The following STXBP5 variants were observed in gnomAD, a reference collection of about 807,000 sequenced individuals.
STXBP5 encodes the protein syntaxin binding protein 5.
A neutral mutation model predicts 152.4 loss-of-function variants in STXBP5; 50 were observed. The observed-to-expected ratio is 0.33, with a 90% CI of 0.26 to 0.42. STXBP5 has a LOEUF of 0.42. Ranked by LOEUF, STXBP5 falls within the 10% of genes least tolerant of loss-of-function variation. STXBP5 has a pLI of 1.00. For synonymous variants in STXBP5, 492 were observed against 494.7 expected (o/e 0.99, Z 0.07); for missense variants, 1,167 against 1,388.6 (o/e 0.84, Z 2.54).
chr6:147,344,024 G>T (rs1784206489), intron 21 of STXBP5, among the ~76,000 whole-genome samples: 1 of 152,104 alleles, frequency 6.6e-6, no homozygotes, highest in South Asian at 2.1e-4. Flanking sequence ...AATTGGTCAA[G>T]AACTAAATTT....
chr6:147,306,361 G>A (rs940325758), intron 9 of STXBP5, among the ~76,000 whole-genome samples: 1 of 152,214 alleles, frequency 6.6e-6, no homozygotes, highest in African/African-American at 2.4e-5. Flanking sequence ...ACATGGAGGG[G>A]GCCCCCAACT....
rs1286473561 is a variant in STXBP5 at position 147,387,487 on chromosome 6, T to G, written c.*2732T>G. 6.6e-6 allele frequency: 1 copy of G among 151,800 alleles called. No individual in the cohort carries two copies. The highest frequency in any genetic ancestry group is 1.5e-5 in the Non-Finnish European group (1 of 67,768). 9.4% of individuals were successfully genotyped at this position (151,800 alleles called of 1,614,324 possible). A position where few individuals can be genotyped will look rare whatever the true frequency, so the allele number is the denominator to read the frequency against. ...TTTTCTGTATGTACCATATATCCAG[T>G]TCATTTCAGTTTTCAAACTAAAATC... On this transcript the variant is annotated 3_prime_UTR_variant, in exon 28 of 28. Coordinates refer to ENST00000321680, the MANE Select transcript of STXBP5 (RefSeq NM_001127715.4).
At chr6:147,262,249 C>A (rs775954107) in intron 5 of STXBP5, 41 bp from the exon 6 acceptor site, 1 of 1,260,454 alleles carries the variant, frequency 7.9e-7, no homozygotes, top group Non-Finnish European at 1.1e-6. Context: ...TATTAAAATT[C>A]TTAACTGAAG....
chr6:147,317,669 G>A (rs1012147579), intron 16 of STXBP5, among the ~76,000 whole-genome samples: 2 of 152,078 alleles, frequency 1.3e-5, no homozygotes, highest in Non-Finnish European at 2.9e-5. Context: ...TTCTCAGAAA[G>A]GTATCAAGTT....
intron 7 of STXBP5, among the ~76,000 whole-genome samples, chr6:147,276,687 T>C (rs980236681): frequency 6.6e-6 from 1 of 152,180 alleles, no homozygotes; most frequent in Non-Finnish European, 1.5e-5. Context: ...TAAAGGCTAC[T>C]AAGGGATTGC....
chr6:147,250,584 C>A (rs1779035050), intron 4 of STXBP5, among the ~76,000 whole-genome samples: 1 of 152,058 alleles, frequency 6.6e-6, no homozygotes, highest in African/African-American at 2.4e-5. Flanking sequence ...CTCCTGGAAC[C>A]AATCCCCCAT....
chr6:147,205,376 A>G (rs200859878), intron 1 of STXBP5, among the ~76,000 whole-genome samples: 46,112 of 136,204 alleles, frequency 0.34, 8,020 homozygotes, highest in East Asian at 0.43. Context: ...GTGTGCATAT[A>G]TATATATATA....
chr6:147,213,477 T>TGCGCGCGCGCGC (rs1554282764), intron 2 of STXBP5, among the ~76,000 whole-genome samples: 45 of 131,320 alleles, frequency 3.4e-4, no homozygotes, highest in African/African-American at 1.2e-3. Context: ...TGTGTGTGTG[T>TGCGCGCGCGCGC]GCGCGCGCAT....
intron 4 of STXBP5, among the ~76,000 whole-genome samples, chr6:147,254,340 A>G (rs1213186332): frequency 1.3e-5 from 2 of 152,182 alleles, no homozygotes; most frequent in African/African-American, 2.4e-5. Context: ...CATAAAAACC[A>G]TAAAAGAAAA....
intron 15 of STXBP5, 92 bp downstream of exon 15, chr6:147,315,827 T>G: frequency 8.3e-7 from 1 of 1,210,838 alleles, no homozygotes; most frequent in Non-Finnish European, 1.2e-6. Flanking sequence ...GCAGTCAGTT[T>G]TGTGCAGAAC....
intron 16 of STXBP5, among the ~76,000 whole-genome samples, chr6:147,322,739 A>C (rs1322481472): frequency 6.6e-6 from 1 of 152,258 alleles, no homozygotes; most frequent in Non-Finnish European, 1.5e-5. Flanking sequence ...TTAAAGTCAT[A>C]GTAGAGTTTT....
At chr6:147,381,072 T>A (rs1786062801) in intron 26 of STXBP5, among the ~76,000 whole-genome samples, 1 of 152,012 alleles carries the variant, frequency 6.6e-6, no homozygotes, top group African/African-American at 2.4e-5. Flanking sequence ...TCAGATCTGA[T>A]CTTGTGAGAC....
intron 22 of STXBP5, among the ~76,000 whole-genome samples, chr6:147,357,505 T>A (rs1412676453): frequency 6.6e-6 from 1 of 152,174 alleles, no homozygotes; most frequent in Non-Finnish European, 1.5e-5. Flanking sequence ...AAGGAGCTAC[T>A]AAGGATTTTT....
At chr6:147,310,632 G>T (rs946716417) in intron 10 of STXBP5, among the ~76,000 whole-genome samples, 1 of 152,118 alleles carries the variant, frequency 6.6e-6, no homozygotes, top group Non-Finnish European at 1.5e-5. Context: ...AGGCTAGCAG[G>T]CTGGAAATTC....
At chr6:147,274,065 C>T (rs1266252222) in intron 7 of STXBP5, among the ~76,000 whole-genome samples, 1 of 151,952 alleles carries the variant, frequency 6.6e-6, no homozygotes, top group Non-Finnish European at 1.5e-5. Flanking sequence ...TTTATTCTCC[C>T]TTAAGGGTTT....
intron 9 of STXBP5, among the ~76,000 whole-genome samples, chr6:147,297,390 C>A (rs1488073717): frequency 6.6e-6 from 1 of 152,086 alleles, no homozygotes; most frequent in Non-Finnish European, 1.5e-5. Context: ...TAAACTCTTT[C>A]CCAGACAAGG....
intron 25 of STXBP5, among the ~76,000 whole-genome samples, chr6:147,372,373 G>T: frequency 7.8e-6 from 1 of 128,848 alleles, no homozygotes; most frequent in Admixed American, 8.7e-5. Flanking sequence ...GAGTATAGCA[G>T]AACTCCTATA....
intron 23 of STXBP5, among the ~76,000 whole-genome samples, chr6:147,360,801 T>C (rs549158886): frequency 1.3e-5 from 2 of 152,296 alleles, no homozygotes; most frequent in African/African-American, 4.8e-5. Flanking sequence ...GGTGAGGAGA[T>C]AACTGAGAAT....
chr6:147,291,449 C>A (rs747041903), intron 9 of STXBP5, among the ~76,000 whole-genome samples: 4 of 151,928 alleles, frequency 2.6e-5, no homozygotes, highest in African/African-American at 9.7e-5. Flanking sequence ...TCTTCAGTAG[C>A]AATAGTGTTT....
Sources: gnomAD v4.1 joint callset for allele counts (sites outside exome capture counted in the v4.1 genomes callset) on GRCh38, gnomAD v4.1.1 for gene constraint, MANE v1.5 for transcripts, NCBI Gene and HGNC (gene_info 2026-07-23, HGNC 2026-07-21) for gene names.